The following DIP2C variants were observed in gnomAD, a reference collection of about 807,000 sequenced individuals.
DIP2C encodes the protein DIP2 acetate--CoA ligase C (putative), also known as disco-interacting protein 2 homolog C.
A neutral mutation model predicts 192.4 loss-of-function variants in DIP2C; 33 were observed. The ratio of observed to expected loss-of-function variants is 0.17; its 90% CI spans 0.13 to 0.23. The LOEUF (loss-of-function observed/expected upper bound fraction) is 0.23, where lower values mean the gene tolerates loss of function less well. Ranked by LOEUF, DIP2C falls within the 10% of genes least tolerant of loss-of-function variation. The probability of loss-of-function intolerance (pLI) is 1.00; values close to 1 mark genes in which losing one functional copy is unlikely to be tolerated. For synonymous variants in DIP2C, 979 were observed against 864.1 expected (o/e 1.13, Z -2.33); for missense variants, 1,537 against 2,110.1 (o/e 0.73, Z 5.32).
intron 9 of DIP2C, among the ~76,000 whole-genome samples, chr10:406,742 C>T (rs921213592): frequency 6.6e-6 from 1 of 151,998 alleles, no homozygotes. Context: ...ACTGCATGAC[C>T]CTAAAGGGGT....
intron 10 of DIP2C, among the ~76,000 whole-genome samples, chr10:397,379 A>T (rs1964071008): frequency 6.6e-6 from 1 of 152,058 alleles, no homozygotes; most frequent in Admixed American, 6.5e-5. Flanking sequence ...AAAATACAAA[A>T]ATTAGCCGGG....
intron 1 of DIP2C, among the ~76,000 whole-genome samples, chr10:593,484 GACC>G (rs1851522567): frequency 7.3e-5 from 3 of 40,842 alleles, no homozygotes; most frequent in African/African-American, 8.4e-5. Flanking sequence ...GCCCACGCGG[GACC>G]CCCCCCCCCC....
intron 4 of DIP2C, among the ~76,000 whole-genome samples, chr10:424,354 G>GTTTTTT (rs1564695965): frequency 2.5e-5 from 3 of 121,050 alleles, no homozygotes; most frequent in Middle Eastern, 4.5e-3. Context: ...TATCACCTTG[G>GTTTTTT]GTTTTTTTTT....
intron 1 of DIP2C, among the ~76,000 whole-genome samples, chr10:599,104 T>TC (rs891564456): frequency 2.0e-5 from 3 of 152,064 alleles, no homozygotes; most frequent in African/African-American, 7.2e-5. Flanking sequence ...ACAGCCACTC[T>TC]CCCAGCGTGG....
chr10:590,103 C>T (rs1042234177), intron 1 of DIP2C, among the ~76,000 whole-genome samples: 11 of 152,268 alleles, frequency 7.2e-5, no homozygotes, highest in Middle Eastern at 3.4e-3. Flanking sequence ...CGGGAGGTCC[C>T]GGGAGTGACG....
intron 1 of DIP2C, among the ~76,000 whole-genome samples, chr10:546,174 T>C (rs1848274291): frequency 6.6e-6 from 1 of 150,830 alleles, no homozygotes; most frequent in African/African-American, 2.4e-5. Flanking sequence ...CCCAGCTACC[T>C]GGGAGGCTGA....
At chr10:304,957 G>A (rs556720816) in intron 32 of DIP2C, among the ~76,000 whole-genome samples, 2 of 152,222 alleles carry the variant, frequency 1.3e-5, no homozygotes, top group African/African-American at 4.8e-5. Flanking sequence ...CACGACACGT[G>A]CAAAGCCATA....
intron 1 of DIP2C, among the ~76,000 whole-genome samples, chr10:487,741 C>T (rs184424472): frequency 5.3e-5 from 8 of 152,096 alleles, no homozygotes; most frequent in Non-Finnish European, 7.4e-5. Context: ...CCACGCCCGG[C>T]TAATTTTTTG....
At chr10:606,140 C>CT (rs1452911415) in intron 1 of DIP2C, among the ~76,000 whole-genome samples, 1 of 152,260 alleles carries the variant, frequency 6.6e-6, no homozygotes, top group Non-Finnish European at 1.5e-5. Flanking sequence ...CCTCGCGCTG[C>CT]TTTCTGGGTT....
At chr10:408,478 T>G (rs1455835576) in intron 9 of DIP2C, among the ~76,000 whole-genome samples, 1 of 152,234 alleles carries the variant, frequency 6.6e-6, no homozygotes, top group East Asian at 1.9e-4. Context: ...CTGTTGAACA[T>G]GCCCACAGCA....
intron 22 of DIP2C, among the ~76,000 whole-genome samples, chr10:361,310 G>A (rs963887415): frequency 2.6e-5 from 4 of 152,158 alleles, no homozygotes; most frequent in African/African-American, 9.7e-5. Flanking sequence ...TTCTGCAGGA[G>A]GTCACACTCC....
chr10:284,085 C>A (rs538346682), intron 34 of DIP2C, among the ~76,000 whole-genome samples: 1 of 152,286 alleles, frequency 6.6e-6, no homozygotes, highest in Admixed American at 6.5e-5. Flanking sequence ...CCACAGATGC[C>A]CACGCAGCTG....
At chr10:564,209 C>A (rs766699985) in intron 1 of DIP2C, among the ~76,000 whole-genome samples, 10 of 152,044 alleles carry the variant, frequency 6.6e-5, no homozygotes, top group Admixed American at 1.3e-4. Flanking sequence ...CGGGGGAGAA[C>A]GTTCCCCCCA....
Position 413,895 on chromosome 10 carries a change from A to G in DIP2C, c.1057+18T>C, listed in dbSNP as rs1297044843. ...GCGAGGGGGTGGGCAAAGGGCAGAG[A>G]GTGAGCCTGGGGATTACCGTAAGTG... On this transcript the variant is annotated intron_variant, in intron 8 of 36. Coordinates refer to ENST00000280886, the MANE Select transcript of DIP2C (RefSeq NM_014974.3). The G allele has an allele frequency of 1.2e-6, 2 of 1,609,944 alleles. No individual in the cohort carries two copies. The highest frequency in any genetic ancestry group is 1.3e-5 in the African/African-American group (1 of 74,792).
intron 15 of DIP2C, 113 bp from the exon 16 acceptor site, chr10:384,259 G>A (rs1413511126): frequency 1.8e-6 from 1 of 554,098 alleles, no homozygotes; most frequent in Non-Finnish European, 3.0e-6. Context: ...TGGTCACCCA[G>A]CCCCCACAAA....
At chr10:687,889 G>A (rs1052982274) in intron 1 of DIP2C, among the ~76,000 whole-genome samples, 3 of 152,202 alleles carry the variant, frequency 2.0e-5, no homozygotes, top group Admixed American at 6.5e-5. Flanking sequence ...GCTCAGGGGC[G>A]CTACGCTCTG....
chr10:305,842 C>T (rs969747532), intron 32 of DIP2C, among the ~76,000 whole-genome samples: 8 of 152,080 alleles, frequency 5.3e-5, no homozygotes, highest in African/African-American at 1.4e-4. Flanking sequence ...GATGGAGTCT[C>T]GCTATGTTGC....
At chr10:404,778 G>T (rs1408825636) in intron 9 of DIP2C, among the ~76,000 whole-genome samples, 1 of 152,194 alleles carries the variant, frequency 6.6e-6, no homozygotes, top group Non-Finnish European at 1.5e-5. Flanking sequence ...ACTACAATTT[G>T]CTAAGAGAGA....
At chr10:388,176 C>A (rs1311359509) in intron 13 of DIP2C, among the ~76,000 whole-genome samples, 2 of 152,130 alleles carry the variant, frequency 1.3e-5, no homozygotes, top group Admixed American at 6.5e-5. Context: ...ATGCCCTCTG[C>A]GCACAGAGGA....
Sources: gnomAD v4.1 joint callset for allele counts (sites outside exome capture counted in the v4.1 genomes callset) on GRCh38, gnomAD v4.1.1 for gene constraint, MANE v1.5 for transcripts, NCBI Gene and HGNC (gene_info 2026-07-23, HGNC 2026-07-21) for gene names.